The following GBE1 variants were observed in gnomAD, a reference collection of about 807,000 sequenced individuals.
The protein encoded by GBE1 is 1,4-alpha-glucan-branching enzyme.
GBE1 carries 70 observed loss-of-function variants against 88.8 expected under a neutral mutation model. That is an observed-to-expected ratio of 0.79 (90% confidence interval 0.65 to 0.96). The LOEUF (loss-of-function observed/expected upper bound fraction) is 0.96. Ranked by LOEUF, GBE1 falls within the 40% of genes least tolerant of loss-of-function variation. The pLI is 0.00. For missense variants in GBE1, 872 were observed against 871.0 expected (o/e 1.00, Z -0.01); for synonymous variants, 284 against 300.1 (o/e 0.95, Z 0.56).
chr3:81,705,389 G>C (rs1282875279), intron 2 of GBE1, 55 bp downstream of exon 2: 1 of 1,191,626 alleles, frequency 8.4e-7, no homozygotes, highest in Non-Finnish European at 1.2e-6. Flanking sequence ...AGAAATATAT[G>C]TATTAAATAG....
chr3:81,507,526 T>C (rs1702670300), intron 14 of GBE1, among the ~76,000 whole-genome samples: 2 of 151,956 alleles, frequency 1.3e-5, no homozygotes, highest in Non-Finnish European at 2.9e-5. Context: ...ATTGCACCAC[T>C]ACACTCCAGC....
intron 6 of GBE1, among the ~76,000 whole-genome samples, chr3:81,645,147 A>T (rs1012515736): frequency 6.6e-6 from 1 of 152,220 alleles, no homozygotes; most frequent in Non-Finnish European, 1.5e-5. Flanking sequence ...AACATATAGC[A>T]TATATTTAAG....
intron 12 of GBE1, among the ~76,000 whole-genome samples, chr3:81,554,967 T>G (rs891891536): frequency 6.6e-5 from 10 of 152,214 alleles, no homozygotes; most frequent in African/African-American, 2.4e-4. Context: ...CAACAGCTAG[T>G]TAGCCTTGTC....
At chr3:81,673,491 G>A (rs1705217000) in intron 2 of GBE1, among the ~76,000 whole-genome samples, 1 of 151,732 alleles carries the variant, frequency 6.6e-6, no homozygotes, top group Non-Finnish European at 1.5e-5. Context: ...AAAAGATTTG[G>A]ATATTTTGAA....
chr3:81,708,954 G>A (rs999082733), intron 1 of GBE1, among the ~76,000 whole-genome samples: 4 of 152,132 alleles, frequency 2.6e-5, no homozygotes, highest in African/African-American at 4.8e-5. Context: ...GGCCAGGCAG[G>A]TGTAACAATT....
intron 12 of GBE1, among the ~76,000 whole-genome samples, chr3:81,545,501 A>C (rs1703194523): frequency 6.6e-6 from 1 of 152,166 alleles, no homozygotes; most frequent in South Asian, 2.1e-4. Flanking sequence ...GATGAGGCCA[A>C]CAAAACAGAA....
chr3:81,505,583 T>C (rs1351365618), intron 14 of GBE1, among the ~76,000 whole-genome samples: 1 of 152,224 alleles, frequency 6.6e-6, no homozygotes, highest in African/African-American at 2.4e-5. Flanking sequence ...AAATTATGCC[T>C]ACTTTATTGT....
Position 81,564,831 on chromosome 3 carries a change from T to C in GBE1, c.1618+13094A>G, listed in dbSNP as rs1703470332. 2.0e-5 allele frequency among the ~76,000 whole-genome samples: 3 copies of C among 152,172 alleles called. No individual in the cohort carries two copies. The South Asian group carries it at 6.2e-4, about 32-fold the overall frequency. On this transcript the variant is annotated intron_variant, in intron 12 of 15. Coordinates refer to ENST00000429644, the MANE Select transcript of GBE1 (RefSeq NM_000158.4). ...AATCTGTCTCTCTCAATCTTCATTT[T>C]TGCATGTTCTTCCATCAGTGGATCT...
At chr3:81,562,772 T>C (rs1245199035) in intron 12 of GBE1, among the ~76,000 whole-genome samples, 2 of 151,928 alleles carry the variant, frequency 1.3e-5, no homozygotes, top group African/African-American at 2.4e-5. Flanking sequence ...ATGTCTCTCT[T>C]AGTGAGAAGG....
At chr3:81,536,880 T>C in intron 13 of GBE1, 31 bp downstream of exon 13, 2 of 1,538,866 alleles carry the variant, frequency 1.3e-6, no homozygotes, top group Non-Finnish European at 1.7e-6. Flanking sequence ...CATTGGTGAC[T>C]AAAACACAGC....
intron 7 of GBE1, among the ~76,000 whole-genome samples, chr3:81,618,280 A>T (rs1704277633): frequency 6.6e-6 from 1 of 152,148 alleles, no homozygotes; most frequent in Non-Finnish European, 1.5e-5. Flanking sequence ...ATCTTAATGC[A>T]CAAAGCATTT....
At chr3:81,721,898 AT>A (rs1392365721) in intron 1 of GBE1, among the ~76,000 whole-genome samples, 2 of 152,180 alleles carry the variant, frequency 1.3e-5, no homozygotes, top group African/African-American at 4.8e-5. Flanking sequence ...TCTATTCTGT[AT>A]GTTAAAAATT....
intron 12 of GBE1, among the ~76,000 whole-genome samples, chr3:81,544,936 C>T (rs555339481): frequency 6.6e-6 from 1 of 152,024 alleles, no homozygotes; most frequent in Admixed American, 6.6e-5. Flanking sequence ...ACTAATTTTA[C>T]CTAGGAATTA....
chr3:81,572,830 T>C (rs1703592244), intron 12 of GBE1, among the ~76,000 whole-genome samples: 1 of 152,148 alleles, frequency 6.6e-6, no homozygotes, highest in South Asian at 2.1e-4. Flanking sequence ...CCTAATGTGA[T>C]CACTGGACAT....
At chr3:81,688,719 A>G (rs1347405305) in intron 2 of GBE1, among the ~76,000 whole-genome samples, 1 of 151,984 alleles carries the variant, frequency 6.6e-6, no homozygotes, top group African/African-American at 2.4e-5. Flanking sequence ...TGTGTAGACC[A>G]AGATTTAAAA....
At chr3:81,647,484 T>C (rs1476153524) in intron 5 of GBE1, among the ~76,000 whole-genome samples, 1 of 152,130 alleles carries the variant, frequency 6.6e-6, no homozygotes, top group Non-Finnish European at 1.5e-5. Flanking sequence ...AATTCTAATA[T>C]ATTTTTAATA....
At position 81,705,511 on chromosome 3, in the gene GBE1, A is replaced by G; in HGVS notation, c.246T>C (p.Ala82=). ...GYESFGVHRC[A]DGGLYCKEWA... ...ATTCTTTGCAGTATAAACCACCATC[A>G]GCACATCTGTGGACGCCAAATGATT... Residue 82 remains alanine (A), a synonymous_variant, in exon 2 of 16, where the codon GCT becomes GCC. Transcript: ENST00000429644. 1 of 1,603,930 alleles carries G rather than the reference A, an allele frequency of 6.2e-7. No individual in the cohort carries two copies.
At position 81,733,035 on chromosome 3, in the gene GBE1, C is replaced by T. The variant is rs563717582; in HGVS notation, c.144-27422G>A. Among the ~76,000 whole-genome samples, 124 of 152,230 alleles carry T rather than the reference C, an allele frequency of 8.1e-4. No individual in the cohort carries two copies. Among genetic ancestry groups the T allele is most frequent in the Non-Finnish European group, 1.4e-3 (98 of 68,006 alleles). ...GTCCATGGCCTGTTAGGAATTGTGT[C>T]GCACAGCAGGAGGTGAATGGCAAAA... On this transcript the variant is annotated intron_variant, in intron 1 of 15. Transcript: ENST00000429644. This position sits in a 1 kb window ranked among gnomAD's most constrained non-coding sequence, Gnocchi z 4.0.
intron 3 of GBE1, among the ~76,000 whole-genome samples, chr3:81,664,524 C>CGTTT (rs1408936534): frequency 6.7e-6 from 1 of 149,806 alleles, no homozygotes; most frequent in Non-Finnish European, 1.5e-5. Context: ...GGGCCTAAAA[C>CGTTT]GCCCCAACAT....
Sources: allele counts gnomAD v4.1 joint callset (sites outside exome capture counted in the v4.1 genomes callset), GRCh38; gene constraint gnomAD v4.1.1; non-coding constraint Gnocchi (gnomAD v3.1); transcripts MANE v1.5; gene names NCBI Gene and HGNC (gene_info 2026-07-23, HGNC 2026-07-21).